DGAT2: variants seen among roughly 807,000 people sequenced by gnomAD.
DGAT2 encodes diacylglycerol O-acyltransferase 2.
DGAT2 carries 33 observed loss-of-function variants against 48.4 expected under a neutral mutation model. The ratio of observed to expected loss-of-function variants is 0.68; its 90% confidence interval spans 0.52 to 0.91. The LOEUF is 0.91. Among genes scored for constraint, DGAT2 ranks in the 40% least tolerant of loss-of-function variants. The probability of loss-of-function intolerance (pLI) is 0.00; values close to 1 mark genes in which losing one functional copy is unlikely to be tolerated. For synonymous variants in DGAT2, 191 were observed against 194.1 expected, an observed-to-expected ratio of 0.98 and a Z score of 0.13; for missense variants, 446 against 493.7, an observed-to-expected ratio of 0.90 and a Z score of 0.92.
intron 1 of DGAT2, among the ~76,000 whole-genome samples, chr11:75,780,790 CG>C (rs1423926975): frequency 1.3e-5 from 2 of 152,238 alleles, no homozygotes; most frequent in East Asian, 3.8e-4. Flanking sequence ...GACCTTGACC[CG>C]GTATCACCAT....
intron 1 of DGAT2, 58 bp from the exon 2 acceptor site, chr11:75,784,560 G>C (rs1944900584): frequency 1.2e-6 from 2 of 1,603,464 alleles, no homozygotes; most frequent in East Asian, 2.2e-5. Context: ...GTTTGTACTG[G>C]GGACCCCATG....
intron 4 of DGAT2, among the ~76,000 whole-genome samples, chr11:75,791,033 G>A (rs1035566760): frequency 2.6e-5 from 4 of 152,250 alleles, no homozygotes; most frequent in Non-Finnish European, 4.4e-5. Context: ...CCTGATGCAT[G>A]TGGGCAATCC....
chr11:75,774,802 G>A (rs1006312091), intron 1 of DGAT2, among the ~76,000 whole-genome samples: 48 of 152,266 alleles, frequency 3.2e-4, no homozygotes, highest in African/African-American at 1.1e-3. Flanking sequence ...AGATTCCTTG[G>A]TGACCTACTC....
chr11:75,779,672 C>T (rs1293081275), intron 1 of DGAT2, among the ~76,000 whole-genome samples: 1 of 152,210 alleles, frequency 6.6e-6, no homozygotes, highest in Non-Finnish European at 1.5e-5. Flanking sequence ...CAAGTGCTGC[C>T]TGGGAGCAGC....
intron 1 of DGAT2, among the ~76,000 whole-genome samples, chr11:75,779,127 G>A (rs757143383): frequency 6.6e-6 from 1 of 152,130 alleles, no homozygotes; most frequent in Non-Finnish European, 1.5e-5. Flanking sequence ...GCAAAGAGGT[G>A]CTCACAGACA....
rs1229239865 is a variant in DGAT2 at position 75,769,040 on chromosome 11, C to T, written c.49C>T (p.Gln17Ter). 27 of 1,576,434 alleles carry T rather than the reference C, an allele frequency of 1.7e-5. No individual in the cohort carries two copies. Among genetic ancestry groups the T allele is most frequent in the Non-Finnish European group, 2.3e-5 (27 of 1,163,938 alleles). Residue 17 changes from glutamine to a stop codon, truncating the protein, a stop_gained, in exon 1 of 8, where the codon CAG (glutamine) becomes TAG (stop). Transcript: ENST00000228027. LOFTEE classifies it high-confidence loss of function. ...CTCCGGGGTCCTGCGCGGCGAGCGT[C>T]AGGCCGAGGCTGACCGGAGCCAGCG... The part of the protein sequence containing the change: ...AYSGVLRGER[Q>*]AEADRSQRSH...
intron 2 of DGAT2, 79 bp downstream of exon 2, chr11:75,784,825 C>T (rs749665997): frequency 7.6e-6 from 12 of 1,588,876 alleles, no homozygotes; most frequent in East Asian, 2.2e-5. Flanking sequence ...GAGCCCTGCT[C>T]TACAGGGGTG....
At chr11:75,797,015 AC>A in intron 5 of DGAT2, 142 bp from the exon 6 acceptor site, 1 of 746,926 alleles carries the variant, frequency 1.3e-6, no homozygotes, top group Non-Finnish European at 2.0e-6. Flanking sequence ...AATAGCTTAC[AC>A]AGAACCAGAC....
intron 1 of DGAT2, among the ~76,000 whole-genome samples, chr11:75,778,956 G>A (rs985396852): frequency 2.6e-5 from 4 of 152,118 alleles, no homozygotes; most frequent in Admixed American, 2.6e-4. Context: ...AGGTCACAGA[G>A]CCAGGCAAGG....
chr11:75,782,062 G>A (rs1420783287), intron 1 of DGAT2, among the ~76,000 whole-genome samples: 2 of 152,138 alleles, frequency 1.3e-5, no homozygotes, highest in Non-Finnish European at 2.9e-5. Flanking sequence ...CTCCCAGCAT[G>A]CCTCTTCCCT....
In DGAT2 at chr11:75,799,433, G is replaced by A. The variant is rs550674066; in HGVS notation, c.1013-921G>A. Among the ~76,000 whole-genome samples the A allele has an allele frequency of 2.2e-3, 340 of 152,278 alleles. 1 individual carries two copies. The highest frequency in any genetic ancestry group is 7.8e-3 in the African/African-American group (323 of 41,552). ...TTTGGTAGCCAGTGGCTTGGACCAA[G>A]GGAGTAGCAGTGGAGATGGAAGAGA... On this transcript the variant is annotated intron_variant, in intron 7 of 7. Transcript: ENST00000228027.
At chr11:75,778,340 A>G (rs1381348412) in intron 1 of DGAT2, among the ~76,000 whole-genome samples, 12 of 152,124 alleles carry the variant, frequency 7.9e-5, no homozygotes, top group Admixed American at 6.5e-4. Context: ...GCGAAGCCTC[A>G]TGGCCTCCTT....
intron 1 of DGAT2, among the ~76,000 whole-genome samples, chr11:75,783,904 G>A (rs1225557219): frequency 1.3e-5 from 2 of 152,156 alleles, no homozygotes; most frequent in Admixed American, 1.3e-4. Flanking sequence ...AGCCCTCAGT[G>A]TCCTTCAGGC....
At chr11:75,777,287 T>C (rs1944812257) in intron 1 of DGAT2, among the ~76,000 whole-genome samples, 1 of 152,148 alleles carries the variant, frequency 6.6e-6, no homozygotes, top group African/African-American at 2.4e-5. Context: ...GGATTAAAGC[T>C]AAGGAGGACA....
At chr11:75,778,605 C>T (rs566348430) in intron 1 of DGAT2, among the ~76,000 whole-genome samples, 3 of 152,006 alleles carry the variant, frequency 2.0e-5, no homozygotes, top group Non-Finnish European at 2.9e-5. Flanking sequence ...GAGGCCTAGG[C>T]GGGCGGATCA....
Position 75,784,640 on chromosome 11 carries a change from C to T in DGAT2, c.144C>T (p.Ser48=), listed in dbSNP as rs760800113. 21 of 1,613,982 alleles carry T rather than the reference C, an allele frequency of 1.3e-5. No individual in the cohort carries two copies. In the East Asian group the frequency reaches 1.6e-4, roughly 12 times the overall value. Residue 48 remains serine (S), a synonymous_variant, in exon 2 of 8, where the codon TCC becomes TCT. Coordinates refer to ENST00000228027, the MANE Select transcript of DGAT2 (RefSeq NM_032564.5). ...TAGGCACTGGATCCAGCATCCTCTC[C>T]GCCCTCCAGGACCTCTTCTCTGTCA... ...GRWGTGSSIL[S]ALQDLFSVTW...
chr11:75,788,156 C>A (rs1283706906), intron 2 of DGAT2, among the ~76,000 whole-genome samples: 1 of 152,178 alleles, frequency 6.6e-6, no homozygotes, highest in Non-Finnish European at 1.5e-5. Flanking sequence ...TCGTCCCTAT[C>A]TGGCCCACCT....
intron 2 of DGAT2, among the ~76,000 whole-genome samples, chr11:75,785,382 C>G (rs1179070420): frequency 6.6e-6 from 1 of 152,222 alleles, no homozygotes; most frequent in Non-Finnish European, 1.5e-5. Flanking sequence ...CACTCCCAGC[C>G]CACACCCATC....
chr11:75,796,862 T>C (rs1945062166), intron 5 of DGAT2: 5 of 449,726 alleles, frequency 1.1e-5, no homozygotes, highest in Non-Finnish European at 2.0e-5. Context: ...CCCACCAGAC[T>C]GATGCATTGG....
Sources: gnomAD v4.1 joint callset for allele counts (sites outside exome capture counted in the v4.1 genomes callset) on GRCh38, gnomAD v4.1.1 for gene constraint, MANE v1.5 for transcripts, NCBI Gene and HGNC (gene_info 2026-07-23, HGNC 2026-07-21) for gene names.